The following TMEM63C variants were observed in gnomAD, a reference collection of about 807,000 sequenced individuals.
The protein encoded by TMEM63C is transmembrane protein 63C.
Under a neutral mutation model 99.2 loss-of-function variants are expected in TMEM63C, and 32 were observed. The ratio of observed to expected loss-of-function variants is 0.32; its 90% confidence interval spans 0.24 to 0.43. TMEM63C has a LOEUF of 0.43. TMEM63C is among the 20% of genes least tolerant of loss of function. The pLI is 1.00. For synonymous variants in TMEM63C, 376 were observed against 397.9 expected, an observed-to-expected ratio of 0.94 and a Z score of 0.66; for missense variants, 826 against 1,053.0, an observed-to-expected ratio of 0.78 and a Z score of 2.98.
chr14:77,225,872 G>A (rs1039506217), intron 6 of TMEM63C, among the ~76,000 whole-genome samples: 7 of 151,934 alleles, frequency 4.6e-5, no homozygotes, highest in Non-Finnish European at 5.9e-5. Flanking sequence ...GGCAGGCCTC[G>A]CTCGGCCTCA....
At chr14:77,194,261 G>A (rs1012341127) in intron 1 of TMEM63C, among the ~76,000 whole-genome samples, 1 of 151,764 alleles carries the variant, frequency 6.6e-6, no homozygotes, top group Non-Finnish European at 1.5e-5. Context: ...ATGTTAATTA[G>A]CAAAGCAAAT....
rs1423637868 is a variant in TMEM63C, at chr14:77,191,549, T to C, written c.-77+9655T>C. ...TCTTTTTTCTTTTTCTTTTTTTTTT[T>C]TTTTTTTTTTTTGAGACAGAGTTTC... On this transcript the variant is annotated intron_variant, in intron 1 of 23. Transcript: ENST00000298351. 3.5e-5 allele frequency among the ~76,000 whole-genome samples: 4 copies of C among 115,018 alleles called. No homozygotes were observed. The South Asian group carries it at 8.4e-4, about 24-fold the overall frequency. 75.5% of individuals were successfully genotyped at this position (115,018 alleles called of 152,430 possible).
chr14:77,237,554 TG>T (rs1210200746), intron 9 of TMEM63C, among the ~76,000 whole-genome samples: 1 of 150,902 alleles, frequency 6.6e-6, no homozygotes, highest in Non-Finnish European at 1.5e-5. Flanking sequence ...GTAGAGCACA[TG>T]CCCCAGAATT....
At chr14:77,240,415 T>C in intron 12 of TMEM63C, 60 bp from the exon 13 acceptor site, 1 of 1,543,276 alleles carries the variant, frequency 6.5e-7, no homozygotes, top group South Asian at 1.2e-5. Flanking sequence ...AGGAACCTCG[T>C]GACCAGGGAG....
At chr14:77,224,662 T>C in intron 5 of TMEM63C, among the ~76,000 whole-genome samples, 1 of 148,430 alleles carries the variant, frequency 6.7e-6, no homozygotes. Flanking sequence ...ACCCAGAAAC[T>C]CCAGACAGCA....
chr14:77,193,390 C>A (rs2140091718), intron 1 of TMEM63C, among the ~76,000 whole-genome samples: 1 of 152,240 alleles, frequency 6.6e-6, no homozygotes, highest in East Asian at 1.9e-4. Flanking sequence ...TATATGTGCA[C>A]AAAGATATAA....
intron 5 of TMEM63C, among the ~76,000 whole-genome samples, chr14:77,222,703 C>G (rs767235334): frequency 6.6e-5 from 10 of 152,208 alleles, no homozygotes; most frequent in Admixed American, 1.3e-4. Flanking sequence ...CTTCCCTCTC[C>G]CCCTTCCGCA....
intron 2 of TMEM63C, 45 bp from the exon 3 acceptor site, chr14:77,218,756 G>C: frequency 6.3e-7 from 1 of 1,599,598 alleles, no homozygotes; most frequent in Non-Finnish European, 8.5e-7. Context: ...TTTGCAAAAT[G>C]CAAGGGAGTC....
chr14:77,230,790 A>C (rs1006539787), intron 6 of TMEM63C, among the ~76,000 whole-genome samples: 2 of 152,286 alleles, frequency 1.3e-5, no homozygotes, highest in Non-Finnish European at 2.9e-5. Flanking sequence ...CCCTGGTGCC[A>C]AAAAGGTTAG....
At chr14:77,242,882 C>T (rs1353119736) in intron 14 of TMEM63C, 21 bp from the exon 15 acceptor site, 2 of 1,613,996 alleles carry the variant, frequency 1.2e-6, no homozygotes, top group African/African-American at 2.7e-5. Flanking sequence ...AAATGTGCCT[C>T]CTTCTTCCAT....
At chr14:77,190,806 G>A (rs1888091606) in intron 1 of TMEM63C, among the ~76,000 whole-genome samples, 2 of 152,250 alleles carry the variant, frequency 1.3e-5, no homozygotes, top group East Asian at 1.9e-4. Flanking sequence ...GTGTGCTTGT[G>A]TGTGTATTCA....
chr14:77,244,562 G>A, intron 16 of TMEM63C, 107 bp downstream of exon 16: 2 of 836,000 alleles, frequency 2.4e-6, no homozygotes, highest in Non-Finnish European at 4.0e-6. Flanking sequence ...GCCTAAGAAG[G>A]AGAATTGATA....
At chr14:77,241,500 G>T (rs1257065218) in intron 13 of TMEM63C, among the ~76,000 whole-genome samples, 1 of 152,070 alleles carries the variant, frequency 6.6e-6, no homozygotes, top group Admixed American at 6.5e-5. Context: ...GAACTGTGGG[G>T]GGCAGGGGGG....
chr14:77,246,126 C>G, intron 17 of TMEM63C, 100 bp downstream of exon 17: 2 of 957,068 alleles, frequency 2.1e-6, no homozygotes, highest in Non-Finnish European at 3.4e-6. Context: ...TTGCTGCAAA[C>G]CCACTCCTCA....
chr14:77,252,248 A>T (rs1251356431), intron 22 of TMEM63C, among the ~76,000 whole-genome samples: 3 of 151,852 alleles, frequency 2.0e-5, no homozygotes, highest in Non-Finnish European at 4.4e-5. Context: ...AAGAGAGAGG[A>T]TGGAGCAAAG....
intron 19 of TMEM63C, 59 bp downstream of exon 19, chr14:77,248,568 A>G (rs866435847): frequency 1.3e-6 from 2 of 1,550,100 alleles, no homozygotes; most frequent in African/African-American, 1.4e-5. Flanking sequence ...GGTGTCAGGG[A>G]TAGAGCCTGC....
intron 1 of TMEM63C, among the ~76,000 whole-genome samples, chr14:77,185,499 G>C (rs1887980728): frequency 6.6e-6 from 1 of 152,222 alleles, no homozygotes; most frequent in Non-Finnish European, 1.5e-5. Context: ...CAGCAGAAGA[G>C]CAAGTGACCC....
intron 23 of TMEM63C, among the ~76,000 whole-genome samples, chr14:77,255,288 G>GC (rs1308969082): frequency 2.0e-5 from 3 of 152,202 alleles, no homozygotes; most frequent in African/African-American, 4.8e-5. Context: ...ACCACGCCAG[G>GC]CCTATAACCT....
chr14:77,190,431 G>A (rs935216756), intron 1 of TMEM63C, among the ~76,000 whole-genome samples: 1 of 152,038 alleles, frequency 6.6e-6, no homozygotes, highest in Non-Finnish European at 1.5e-5. Flanking sequence ...TATGAAGCAC[G>A]AACAACATGG....
Sources: gnomAD v4.1 joint callset for allele counts (sites outside exome capture counted in the v4.1 genomes callset) on GRCh38, gnomAD v4.1.1 for gene constraint, MANE v1.5 for transcripts, NCBI Gene and HGNC (gene_info 2026-07-23, HGNC 2026-07-21) for gene names.